NAALADL2: variants seen among roughly 807,000 people sequenced by gnomAD.
NAALADL2 encodes N-acetylated alpha-linked acidic dipeptidase like 2.
A neutral mutation model predicts 87.2 loss-of-function variants in NAALADL2; 76 were observed. The observed-to-expected ratio is 0.87, with a 90% CI of 0.72 to 1.05. The LOEUF is 1.05. Ranked by LOEUF, NAALADL2 falls within the 50% of genes least tolerant of loss-of-function variation. The pLI, the probability that NAALADL2 is intolerant of heterozygous loss-of-function variation, is 0.00. For synonymous variants in NAALADL2, 354 were observed against 331.0 expected, an observed-to-expected ratio of 1.07 and a Z score of -0.75; for missense variants, 1,089 against 945.8, an observed-to-expected ratio of 1.15 and a Z score of -1.99.
At chr3:175,722,463 G>A (rs1742367516) in intron 11 of NAALADL2, among the ~76,000 whole-genome samples, 1 of 152,040 alleles carries the variant, frequency 6.6e-6, no homozygotes, top group African/African-American at 2.4e-5. Flanking sequence ...ATGACACCAG[G>A]ATATGTCCCC....
intron 1 of NAALADL2, chr3:174,459,107 A>G (rs918281976): frequency 6.6e-6 from 1 of 152,166 alleles, no homozygotes; most frequent in Non-Finnish European, 1.5e-5. Flanking sequence ...GAGCTTTTTC[A>G]TTATCTTTTA....
intron 1 of NAALADL2, among the ~76,000 whole-genome samples, chr3:174,456,713 T>C (rs975611547): frequency 6.6e-6 from 1 of 151,906 alleles, no homozygotes; most frequent in Non-Finnish European, 1.5e-5. Flanking sequence ...ATAAAAAAAA[T>C]CAACTCAAGA....
At chr3:175,799,684 A>C (rs1753903555) in intron 13 of NAALADL2, among the ~76,000 whole-genome samples, 1 of 152,192 alleles carries the variant, frequency 6.6e-6, no homozygotes, top group African/African-American at 2.4e-5. Context: ...TATGAAATAA[A>C]ACTAATATTT....
chr3:175,351,162 A>G (rs1032476919), intron 5 of NAALADL2, among the ~76,000 whole-genome samples: 2 of 152,142 alleles, frequency 1.3e-5, no homozygotes, highest in Non-Finnish European at 2.9e-5. Context: ...ACTTAGGTGA[A>G]ATGTAATAAT....
intron 2 of NAALADL2, among the ~76,000 whole-genome samples, chr3:174,674,879 T>C (rs1726905504): frequency 6.6e-6 from 1 of 152,146 alleles, no homozygotes; most frequent in East Asian, 1.9e-4. Context: ...AAACCATTTG[T>C]AAGTTTTCTA....
intron 5 of NAALADL2, among the ~76,000 whole-genome samples, chr3:175,385,430 C>T (rs926716066): frequency 6.6e-6 from 1 of 151,920 alleles, no homozygotes. Context: ...TATGTGCTGT[C>T]GGCAAGTGAA....
chr3:175,449,394 C>CTTTTTTTTT (rs1185888984), intron 6 of NAALADL2, among the ~76,000 whole-genome samples: 1 of 48,528 alleles, frequency 2.1e-5, no homozygotes, highest in Non-Finnish European at 4.7e-5. Flanking sequence ...TAATTTTCTT[C>CTTTTTTTTT]TTTTTTTTTT....
At chr3:175,325,979 T>A (rs546760542) in intron 5 of NAALADL2, among the ~76,000 whole-genome samples, 5 of 152,332 alleles carry the variant, frequency 3.3e-5, no homozygotes, top group Admixed American at 6.5e-5. Context: ...AGGTTGCAAT[T>A]TTCCAAATTT....
chr3:175,436,393 A>G lies in NAALADL2; in HGVS notation c.1091-10836A>G, dbSNP rs199734568. 2.2e-3 allele frequency among the ~76,000 whole-genome samples: 316 copies of G among 143,402 alleles called. 1 individual carries two copies. Among genetic ancestry groups the G allele is most frequent in the East Asian group, 7.7e-3 (33 of 4,282 alleles). The allele number at this position is 143,402 out of a possible 152,430, so 94.1% of individuals were successfully genotyped here. A position where few individuals can be genotyped will look rare whatever the true frequency, so the allele number is the denominator to read the frequency against. On this transcript the variant is annotated intron_variant, in intron 5 of 13. Coordinates refer to ENST00000454872, the MANE Select transcript of NAALADL2 (RefSeq NM_207015.3). ...TAATGGGATGGCTGGGTCAAATGGT[A>G]TTTCTAGTTCTAGATCCCTGAGGAA... is the stretch of plus-strand genomic sequence containing the variant.
At chr3:174,962,683 A>G (rs888599125) in intron 1 of NAALADL2, among the ~76,000 whole-genome samples, 2 of 152,088 alleles carry the variant, frequency 1.3e-5, no homozygotes, top group Admixed American at 1.3e-4. Context: ...CTGGGAGCTG[A>G]AACTTGTTAT....
At chr3:174,969,896 AAT>A (rs1166809423) in intron 1 of NAALADL2, among the ~76,000 whole-genome samples, 1 of 152,226 alleles carries the variant, frequency 6.6e-6, no homozygotes, top group Admixed American at 6.5e-5. Flanking sequence ...CTCTTCATAA[AAT>A]AGAATCAAGG....
At chr3:174,771,464 T>C (rs867225544) in intron 3 of NAALADL2, among the ~76,000 whole-genome samples, 2 of 152,256 alleles carry the variant, frequency 1.3e-5, no homozygotes, top group South Asian at 4.1e-4. Flanking sequence ...GAGGGTAATG[T>C]GCTGAGGTAC....
chr3:175,398,881 G>A (rs115056178), intron 5 of NAALADL2, among the ~76,000 whole-genome samples: 1,809 of 151,904 alleles, frequency 0.012, 37 homozygotes, highest in African/African-American at 0.041. Context: ...CTTGGATCTT[G>A]CGCAAGAAAG....
intron 9 of NAALADL2, among the ~76,000 whole-genome samples, chr3:175,550,410 A>G (rs1244894338): frequency 6.6e-6 from 1 of 152,192 alleles, no homozygotes; most frequent in Admixed American, 6.5e-5. Flanking sequence ...GGCCCAAGGA[A>G]GATTCCAGAC....
chr3:175,338,660 C>CACAA lies in NAALADL2; in HGVS notation c.1090+14345_1090+14348dup, dbSNP rs1193899914. Reference sequence around the variant, plus strand: ...ACACACACACACACACACACACACACACAAACAAACAAAACACCAGGAACT... The same window carrying CACAA: ...ACACACACACACACACACACACACACACAAACAAACAAACAAAACACCAGGAACT... On this transcript the variant is annotated intron_variant, in intron 5 of 13. Transcript: ENST00000454872. Among the ~76,000 whole-genome samples, 74 of 102,138 alleles carry CACAA rather than the reference C, an allele frequency of 7.2e-4. 1 individual carries two copies. Among genetic ancestry groups the CACAA allele is most frequent in the South Asian group, 1.3e-3 (4 of 3,090 alleles). 67.0% of individuals were successfully genotyped at this position (102,138 alleles called of 152,430 possible).
chr3:175,520,024 T>C (rs553830185), intron 9 of NAALADL2, among the ~76,000 whole-genome samples: 12 of 152,296 alleles, frequency 7.9e-5, no homozygotes, highest in African/African-American at 2.9e-4. Flanking sequence ...TTTTAATTAT[T>C]CTTGCTAATG....
rs1485250341 is a variant in NAALADL2 at position 175,463,506 on chromosome 3, G to C, written c.1327+13G>C. ...TTGACATCTCCAGGTAAGTAGGGTT[G>C]AAAATTTATAATCTACACTTTATAT... On this transcript the variant is annotated intron_variant, in intron 7 of 13. Coordinates refer to ENST00000454872, the MANE Select transcript of NAALADL2 (RefSeq NM_207015.3). The C allele has an allele frequency of 7.0e-7, 1 of 1,433,928 alleles. No homozygotes were observed. The highest frequency in any genetic ancestry group is 1.4e-5 in the African/African-American group (1 of 70,888). 88.8% of individuals were successfully genotyped at this position (1,433,928 alleles called of 1,614,324 possible).
intron 6 of NAALADL2, among the ~76,000 whole-genome samples, chr3:175,447,635 C>G (rs146573495): frequency 5.9e-5 from 9 of 152,250 alleles, no homozygotes; most frequent in African/African-American, 2.2e-4. Flanking sequence ...ATAAATAAAG[C>G]ATTTTTGTAC....
At chr3:175,419,164 G>A (rs979076115) in intron 5 of NAALADL2, among the ~76,000 whole-genome samples, 10 of 151,724 alleles carry the variant, frequency 6.6e-5, no homozygotes, top group African/African-American at 2.2e-4. Flanking sequence ...TGCTGCCTCT[G>A]GGGAAAAATG....
Sources: allele counts gnomAD v4.1 joint callset (sites outside exome capture counted in the v4.1 genomes callset), GRCh38; gene constraint gnomAD v4.1.1; transcripts MANE v1.5; gene names NCBI Gene and HGNC (gene_info 2026-07-23, HGNC 2026-07-21).